The following MAST4 variants were observed in gnomAD, a reference collection of about 807,000 sequenced individuals.
MAST4 encodes the protein microtubule-associated serine/threonine-protein kinase 4.
In MAST4, 89 loss-of-function variants were observed where a neutral mutation model predicts 162.7. The ratio of observed to expected loss-of-function variants is 0.55; its 90% confidence interval spans 0.46 to 0.65. The LOEUF (loss-of-function observed/expected upper bound fraction) is 0.65. Ranked by LOEUF, MAST4 falls within the 30% of genes least tolerant of loss-of-function variation. The pLI, the probability that MAST4 is intolerant of heterozygous loss-of-function variation, is 0.00. For missense variants in MAST4, 3,153 were observed against 3,374.0 expected (o/e 0.93, Z 1.62); for synonymous variants, 1,479 against 1,361.1 (o/e 1.09, Z -1.91).
At chr5:67,049,051 ATATATATACG>A (rs1473756472) in intron 4 of MAST4, among the ~76,000 whole-genome samples, 11 of 111,342 alleles carry the variant, frequency 9.9e-5, no homozygotes, top group South Asian at 5.5e-4. Context: ...ACGTGTATAT[ATATATATACG>A]TATATATATA....
chr5:67,142,119 T>C lies in MAST4; in HGVS notation c.2499T>C (p.Gly833=), dbSNP rs1217325597. 1.9e-6 allele frequency: 3 copies of C among 1,613,648 alleles called. No homozygotes were observed. Among genetic ancestry groups the C allele is most frequent in the Non-Finnish European group, 2.5e-6 (3 of 1,179,708 alleles). ...TCTCTACCTGCCCCCTTCCAGGTGG[T>C]GCATATGAAGTCAAACAGCATCGAT... ...QNPLERLGTG[G]AYEVKQHRFF... is the part of the protein sequence containing the mutation. The change falls in exon 20 of 29, where the codon GGT becomes GGC. Residue 833 remains glycine (G), a synonymous_variant. Coordinates refer to ENST00000403625, the MANE Select transcript of MAST4 (RefSeq NM_001164664.2).
At chr5:66,734,998 A>G (rs1005680450) in intron 1 of MAST4, among the ~76,000 whole-genome samples, 6 of 152,256 alleles carry the variant, frequency 3.9e-5, no homozygotes, top group Admixed American at 2.6e-4. Flanking sequence ...CTTAGAAGAC[A>G]TTGCAGAAAC....
chr5:67,154,915 C>T (rs921781671), intron 26 of MAST4, among the ~76,000 whole-genome samples: 4 of 152,188 alleles, frequency 2.6e-5, no homozygotes, highest in Non-Finnish European at 5.9e-5. Context: ...AGTGTCAGTG[C>T]TGGGCTCCTG....
chr5:66,795,456 C>A (rs1482080668), intron 3 of MAST4, among the ~76,000 whole-genome samples: 1 of 152,156 alleles, frequency 6.6e-6, no homozygotes, highest in Non-Finnish European at 1.5e-5. Context: ...TTGACATTCT[C>A]CATAGCTCTT....
chr5:67,126,892 ATTTG>A (rs1208425082), intron 14 of MAST4, among the ~76,000 whole-genome samples: 1 of 152,150 alleles, frequency 6.6e-6, no homozygotes, highest in Non-Finnish European at 1.5e-5. Flanking sequence ...ATGTTTTTCC[ATTTG>A]TTTGTGTCCT....
chr5:66,758,610 G>A (rs765284624), intron 1 of MAST4, among the ~76,000 whole-genome samples: 2 of 151,978 alleles, frequency 1.3e-5, no homozygotes, highest in African/African-American at 4.8e-5. Context: ...ATGATGCAGT[G>A]CATGGACAGA....
At chr5:66,658,890 T>C (rs753000924) in intron 1 of MAST4, among the ~76,000 whole-genome samples, 1 of 152,088 alleles carries the variant, frequency 6.6e-6, no homozygotes, top group Non-Finnish European at 1.5e-5. Context: ...GGCATGGTGT[T>C]GCATGCCTGT....
intron 4 of MAST4, among the ~76,000 whole-genome samples, chr5:66,960,737 A>G (rs1257388143): frequency 6.6e-6 from 1 of 151,884 alleles, no homozygotes; most frequent in Non-Finnish European, 1.5e-5. Flanking sequence ...TTCTTCCTTT[A>G]CTTTTTTTCT....
chr5:66,618,393 T>A (rs1264741750), intron 1 of MAST4, among the ~76,000 whole-genome samples: 2 of 152,216 alleles, frequency 1.3e-5, no homozygotes, highest in African/African-American at 4.8e-5. Context: ...TACTCTCTGA[T>A]TTTCCCTGAC....
chr5:67,040,453 C>T (rs541009744), intron 4 of MAST4, among the ~76,000 whole-genome samples: 7 of 152,246 alleles, frequency 4.6e-5, no homozygotes, highest in Admixed American at 2.0e-4. Context: ...GCGTCTATAT[C>T]GTGTCCACAT....
At chr5:66,614,007 G>T (rs1743472238) in intron 1 of MAST4, among the ~76,000 whole-genome samples, 1 of 152,214 alleles carries the variant, frequency 6.6e-6, no homozygotes, top group African/African-American at 2.4e-5. Flanking sequence ...CAGCCAAGGG[G>T]ACTGGTGAAA....
chr5:67,148,510 C>T lies in MAST4; in HGVS notation c.3095-879C>T, dbSNP rs560744418. Among the ~76,000 whole-genome samples, 23 of 152,270 alleles carry T rather than the reference C, an allele frequency of 1.5e-4. No homozygotes were observed. In the South Asian group the frequency reaches 2.3e-3, roughly 15 times the overall value. On this transcript the variant is annotated intron_variant, in intron 23 of 28. Transcript: ENST00000403625. The stretch of plus-strand genomic sequence containing the variant: ...GTCAGTGATGTTCCATTTCTGCACC[C>T]CCCTCCATATTTATCCTCTCTTACG...
intron 4 of MAST4, among the ~76,000 whole-genome samples, chr5:66,923,759 GACCTTA>G (rs1764699615): frequency 6.6e-6 from 1 of 152,154 alleles, no homozygotes; most frequent in South Asian, 2.1e-4. Context: ...CCTGCCTGCT[GACCTTA>G]ACCTCACAAC....
At chr5:66,680,671 G>A (rs1427025412) in intron 1 of MAST4, among the ~76,000 whole-genome samples, 1 of 152,184 alleles carries the variant, frequency 6.6e-6, no homozygotes, top group Non-Finnish European at 1.5e-5. Flanking sequence ...GAAAAATAAA[G>A]CTCTTTGTGC....
In MAST4 at chr5:67,165,782, C is replaced by T. The variant is rs747404626; in HGVS notation, c.6603C>T (p.Gly2201=). 1 of 1,605,754 alleles carries T rather than the reference C, an allele frequency of 6.2e-7. No homozygotes were observed. Among genetic ancestry groups the T allele is most frequent in the Middle Eastern group, 1.7e-4 (1 of 6,052 alleles). ...SHKPRPGPDP[G]PPKTKHPDRS... ...AGCCCCGGCCTGGCCCTGACCCGGG[C>T]CCTCCAAAGACTAAGCACCCCGACC... Residue 2201 remains glycine, a synonymous_variant, in exon 29 of 29, where the codon GGC becomes GGT. Coordinates refer to ENST00000403625, the MANE Select transcript of MAST4 (RefSeq NM_001164664.2).
At chr5:67,026,678 T>C (rs1754688148) in intron 4 of MAST4, among the ~76,000 whole-genome samples, 1 of 152,200 alleles carries the variant, frequency 6.6e-6, no homozygotes, top group African/African-American at 2.4e-5. Context: ...TTTTCTATCA[T>C]GGTCATTTAT....
intron 3 of MAST4, among the ~76,000 whole-genome samples, chr5:66,791,492 C>G (rs1755405980): frequency 6.6e-6 from 1 of 152,200 alleles, no homozygotes; most frequent in Non-Finnish European, 1.5e-5. Flanking sequence ...CAAAATCTAT[C>G]AGATGACATT....
chr5:67,068,450 G>A (rs1045252736), intron 5 of MAST4, among the ~76,000 whole-genome samples: 12 of 152,112 alleles, frequency 7.9e-5, no homozygotes, highest in African/African-American at 7.2e-5. Flanking sequence ...TTATAAGGCC[G>A]TCAGATCTTG....
In MAST4 at chr5:67,104,586, T is replaced by A; in HGVS notation, c.1356+11T>A. ...AAGTTGCTACAGGAGGTAAGAACCATGTACCATATAGTTTTCTGATTTATT... is the reference window on the plus strand; with the variant it reads ...AAGTTGCTACAGGAGGTAAGAACCAAGTACCATATAGTTTTCTGATTTATT... On this transcript the variant is annotated intron_variant, in intron 10 of 28. Coordinates refer to ENST00000403625, the MANE Select transcript of MAST4 (RefSeq NM_001164664.2). The A allele has an allele frequency of 6.2e-7, 1 of 1,606,908 alleles. No homozygotes were observed. Among genetic ancestry groups the A allele is most frequent in the Non-Finnish European group, 8.5e-7 (1 of 1,175,152 alleles).
Sources: allele counts gnomAD v4.1 joint callset (sites outside exome capture counted in the v4.1 genomes callset), GRCh38; gene constraint gnomAD v4.1.1; transcripts MANE v1.5; gene names NCBI Gene and HGNC (gene_info 2026-07-23, HGNC 2026-07-21).